The following ASTN2 variants were observed in gnomAD, a reference collection of about 807,000 sequenced individuals.
ASTN2 encodes astrotactin-2.
Under a neutral mutation model 139.8 loss-of-function variants are expected in ASTN2, and 54 were observed. That is an observed-to-expected ratio of 0.39 (90% CI 0.31 to 0.48). The LOEUF (loss-of-function observed/expected upper bound fraction) is 0.48. Ranked by LOEUF, ASTN2 falls within the 20% of genes least tolerant of loss-of-function variation. The pLI, the probability that ASTN2 is intolerant of heterozygous loss-of-function variation, is 0.95. For synonymous variants in ASTN2, 756 were observed against 719.5 expected (o/e 1.05, Z -0.81); for missense variants, 1,565 against 1,725.1 (o/e 0.91, Z 1.64).
chr9:117,280,141 A>C (rs781695474), intron 2 of ASTN2, among the ~76,000 whole-genome samples: 5 of 152,174 alleles, frequency 3.3e-5, no homozygotes, highest in Non-Finnish European at 7.3e-5. Context: ...TAGAATGCCC[A>C]TCATTGGGTT....
At chr9:116,742,147 G>A (rs1829111629) in intron 13 of ASTN2, among the ~76,000 whole-genome samples, 1 of 152,150 alleles carries the variant, frequency 6.6e-6, no homozygotes, top group Admixed American at 6.5e-5. Context: ...TTCATTCTCC[G>A]GAAATCCTAT....
rs552278102 is a variant in ASTN2 at position 116,628,954 on chromosome 9, T to C, written c.3073-8511A>G. Among the ~76,000 whole-genome samples the C allele has an allele frequency of 1.8e-4, 27 of 152,238 alleles. No homozygotes were observed. The Middle Eastern group carries it at 0.01, about 58-fold the overall frequency. Reference sequence around the variant, plus strand: ...GGTCACACAGATGACGAGCATACCATTAACAGTTTTTGAAGAAAGAGAGGA... The same window carrying C: ...GGTCACACAGATGACGAGCATACCACTAACAGTTTTTGAAGAAAGAGAGGA... On this transcript the variant is annotated intron_variant, in intron 17 of 22. Coordinates refer to ENST00000313400, the MANE Select transcript of ASTN2 (RefSeq NM_001365068.1).
At chr9:117,342,640 C>T (rs1236279885) in intron 1 of ASTN2, among the ~76,000 whole-genome samples, 1 of 152,156 alleles carries the variant, frequency 6.6e-6, no homozygotes, top group Non-Finnish European at 1.5e-5. Flanking sequence ...AAGGTCCTGG[C>T]TTCTTCACCT....
At chr9:117,118,019 C>A (rs777707015) in intron 4 of ASTN2, among the ~76,000 whole-genome samples, 1 of 151,990 alleles carries the variant, frequency 6.6e-6, no homozygotes, top group Non-Finnish European at 1.5e-5. Context: ...ACAAACCCAA[C>A]GAGGAAAAAA....
At chr9:117,158,319 A>G (rs1588026452) in intron 3 of ASTN2, among the ~76,000 whole-genome samples, 3 of 152,086 alleles carry the variant, frequency 2.0e-5, no homozygotes, top group Admixed American at 2.0e-4. Context: ...AGGGGTTAGA[A>G]TGGGCAAGAA....
At chr9:116,592,065 C>T (rs1854400065) in intron 19 of ASTN2, among the ~76,000 whole-genome samples, 1 of 152,088 alleles carries the variant, frequency 6.6e-6, no homozygotes, top group South Asian at 2.1e-4. Flanking sequence ...ATAGTATTTG[C>T]ATATAGCCTA....
intron 2 of ASTN2, among the ~76,000 whole-genome samples, chr9:117,283,733 G>A (rs986086509): frequency 3.9e-5 from 6 of 152,076 alleles, no homozygotes; most frequent in African/African-American, 1.4e-4. Context: ...CTACTACTCT[G>A]TCTTTTCTCT....
At chr9:117,390,939 A>T (rs1830523685) in intron 1 of ASTN2, among the ~76,000 whole-genome samples, 1 of 152,168 alleles carries the variant, frequency 6.6e-6, no homozygotes, top group Non-Finnish European at 1.5e-5. Flanking sequence ...AGTTACACTG[A>T]TTTAATTGGC....
intron 3 of ASTN2, among the ~76,000 whole-genome samples, chr9:117,146,468 G>A (rs1830198041): frequency 2.7e-5 from 3 of 110,748 alleles, no homozygotes; most frequent in South Asian, 3.7e-4. Context: ...CAGGATGGAA[G>A]AGGAGAGAAA....
chr9:116,687,943 C>CT (rs1004419753), intron 16 of ASTN2, among the ~76,000 whole-genome samples: 1 of 151,804 alleles, frequency 6.6e-6, no homozygotes, highest in African/African-American at 2.4e-5. Context: ...TTGAGGGACT[C>CT]TATCTTGTTA....
chr9:117,321,005 C>A (rs1004889027), intron 1 of ASTN2, among the ~76,000 whole-genome samples: 4 of 152,206 alleles, frequency 2.6e-5, no homozygotes, highest in Non-Finnish European at 4.4e-5. Context: ...TGTAAAAATG[C>A]CCATCTCCTC....
intron 1 of ASTN2, among the ~76,000 whole-genome samples, chr9:117,331,598 A>G (rs184557028): frequency 1.3e-3 from 193 of 152,324 alleles, no homozygotes; most frequent in African/African-American, 4.1e-3. Context: ...CTGGATAAAG[A>G]ATTGATAAAT....
intron 19 of ASTN2, chr9:116,557,576 T>G (rs1852697002): frequency 6.6e-6 from 1 of 152,208 alleles, no homozygotes; most frequent in African/African-American, 2.4e-5. Flanking sequence ...GCCACGAGTT[T>G]CTTTATGTGT....
chr9:117,226,069 C>T (rs1832703468), intron 2 of ASTN2, among the ~76,000 whole-genome samples: 1 of 152,152 alleles, frequency 6.6e-6, no homozygotes, highest in African/African-American at 2.4e-5. Flanking sequence ...AAGAGTTTCT[C>T]ACAGCTTCCA....
At chr9:117,274,997 G>A (rs538710269) in intron 2 of ASTN2, among the ~76,000 whole-genome samples, 3 of 152,204 alleles carry the variant, frequency 2.0e-5, no homozygotes, top group East Asian at 3.9e-4. Flanking sequence ...GTGTGACCTT[G>A]AGCAATCTCA....
At chr9:116,573,343 T>C (rs1318470387) in intron 19 of ASTN2, among the ~76,000 whole-genome samples, 1 of 152,202 alleles carries the variant, frequency 6.6e-6, no homozygotes, top group East Asian at 1.9e-4. Flanking sequence ...CATTAATAGT[T>C]ATTTGAAGGT....
intron 20 of ASTN2, among the ~76,000 whole-genome samples, chr9:116,445,216 C>T (rs1408344388): frequency 6.6e-6 from 1 of 152,186 alleles, no homozygotes; most frequent in Non-Finnish European, 1.5e-5. Context: ...TCTTTAGTTT[C>T]TCCATCAATA....
chr9:116,778,839 G>A (rs11791064), intron 13 of ASTN2, among the ~76,000 whole-genome samples: 126,715 of 152,142 alleles, frequency 0.83, 53,413 homozygotes, highest in Non-Finnish European at 0.91. Context: ...GGAGAACAGA[G>A]GGGGCCCGAA....
chr9:116,511,431 C>T (rs978970773), intron 19 of ASTN2, among the ~76,000 whole-genome samples: 15 of 152,042 alleles, frequency 9.9e-5, no homozygotes, highest in Non-Finnish European at 2.1e-4. Flanking sequence ...ATTTTTGCAT[C>T]GATGTTCATC....
Sources: gnomAD v4.1 joint callset for allele counts (sites outside exome capture counted in the v4.1 genomes callset) on GRCh38, gnomAD v4.1.1 for gene constraint, MANE v1.5 for transcripts, NCBI Gene and HGNC (gene_info 2026-07-23, HGNC 2026-07-21) for gene names.